NLRP5: variants seen among roughly 807,000 people sequenced by gnomAD.
The protein encoded by NLRP5 is NLR family pyrin domain containing 5.
Under a neutral mutation model 113.1 loss-of-function variants are expected in NLRP5, and 93 were observed. That is an observed-to-expected ratio of 0.82 (90% CI 0.70 to 0.98). The LOEUF (loss-of-function observed/expected upper bound fraction) is 0.98. NLRP5 is among the 50% of genes least tolerant of loss of function. The pLI is 0.00. For synonymous variants in NLRP5, 751 were observed against 600.7 expected (o/e 1.25, Z -3.66); for missense variants, 1,808 against 1,514.3 (o/e 1.19, Z -3.22).
chr19:55,995,049 G>A (rs2123252554), upstream of NLRP5, among the ~76,000 whole-genome samples: 1 of 152,200 alleles, frequency 6.6e-6, no homozygotes, highest in African/African-American at 2.4e-5. Flanking sequence ...ATGAGTTCAT[G>A]CTCTTTGTAG....
chr19:56,043,542 C>CTTTTTTTTTTTTTTTT (rs369622191), intron 11 of NLRP5, among the ~76,000 whole-genome samples: 2 of 92,962 alleles, frequency 2.2e-5, no homozygotes, highest in African/African-American at 1.1e-4. Context: ...CTCTGCTATT[C>CTTTTTTTTTTTTTTTT]TTTTTTTTTT....
the NLRP5 span, among the ~76,000 whole-genome samples, chr19:55,994,714 T>G: frequency 1.2e-4 from 19 of 152,304 alleles, no homozygotes; most frequent in Admixed American, 2.6e-4. Flanking sequence ...TCTTTACTCT[T>G]GGACTATTTC....
chr19:56,052,425 T>G (rs892969343), intron 12 of NLRP5, among the ~76,000 whole-genome samples: 1 of 152,060 alleles, frequency 6.6e-6, no homozygotes, highest in African/African-American at 2.4e-5. Flanking sequence ...CCTGCCACCA[T>G]GCCCAGCTAC....
Position 56,037,287 on chromosome 19 carries a change from G to A in NLRP5, c.2616-738G>A, listed in dbSNP as rs182620879. 1.1e-4 allele frequency among the ~76,000 whole-genome samples: 16 copies of A among 152,236 alleles called. No homozygotes were observed. In the East Asian group the frequency reaches 1.7e-3, roughly 17 times the overall value. ...GAGTGCCCTTTGTGTACCAGGCACC[G>A]TCGCAGCTGCCGAGGGGACCATAGA... is the stretch of plus-strand genomic sequence containing the variant. On this transcript the variant is annotated intron_variant, in intron 9 of 14. Coordinates refer to ENST00000390649, the MANE Select transcript of NLRP5 (RefSeq NM_153447.4).
chr19:56,020,362 C>G lies in NLRP5; in HGVS notation c.623-13C>G, dbSNP rs1424223544. 1.2e-5 allele frequency: 19 copies of G among 1,608,012 alleles called. No individual in the cohort carries two copies. The highest frequency in any genetic ancestry group is 1.6e-5 in the Non-Finnish European group (19 of 1,176,470). ...TAATAAACACAAGTATGTTGGAATT[C>G]ATTCTTTTGCAGAAATTTCACAAGC... On this transcript the variant is annotated splice_polypyrimidine_tract_variant and intron_variant, in intron 5 of 14. Transcript: ENST00000390649.
chr19:56,032,811 C>G, intron 8 of NLRP5, 30 bp downstream of exon 8: 1 of 1,578,420 alleles, frequency 6.3e-7, no homozygotes, highest in Non-Finnish European at 8.6e-7. Flanking sequence ...ACGAGAGAAT[C>G]CCTTCCCATG....
chr19:56,051,685 T>G (rs1983936374), intron 12 of NLRP5, among the ~76,000 whole-genome samples: 1 of 152,362 alleles, frequency 6.6e-6, no homozygotes, highest in South Asian at 2.1e-4. Flanking sequence ...CAGTAAGGTA[T>G]TCCATTGAAT....
chr19:56,057,897 C>G (rs1984214005), intron 13 of NLRP5, among the ~76,000 whole-genome samples: 1 of 151,852 alleles, frequency 6.6e-6, no homozygotes, highest in African/African-American at 2.4e-5. Flanking sequence ...CATGGTGGCA[C>G]GTGCCCATAA....
chr19:56,058,325 C>T lies in NLRP5; in HGVS notation c.3385C>T (p.Leu1129=). Residue 1129 remains leucine, a synonymous_variant, in exon 14 of 15, where the codon CTG becomes TTG. Transcript: ENST00000390649. Reference sequence around the variant, plus strand: ...CAACCGGCATCTGACCAGTCTAAACCTGGTGCAGAATAACTTCAGTCCCAA... The same window carrying T: ...CAACCGGCATCTGACCAGTCTAAACTTGGTGCAGAATAACTTCAGTCCCAA... The T allele has an allele frequency of 6.2e-7, 1 of 1,613,946 alleles. No homozygotes were observed. Among genetic ancestry groups the T allele is most frequent in the Non-Finnish European group, 8.5e-7 (1 of 1,179,822 alleles).
intron 9 of NLRP5, among the ~76,000 whole-genome samples, chr19:56,037,693 C>CAAAAAA (rs11301032): frequency 1.0e-4 from 9 of 87,714 alleles, no homozygotes; most frequent in African/African-American, 3.9e-4. Context: ...GACCCTGTCT[C>CAAAAAA]AAAAAAAAAA....
chr19:56,001,809 G>A (rs1981663387), intron 1 of NLRP5, among the ~76,000 whole-genome samples: 1 of 152,122 alleles, frequency 6.6e-6, no homozygotes, highest in Non-Finnish European at 1.5e-5. Context: ...CCGCCCCTCA[G>A]ACAATGACAA....
intron 14 of NLRP5, among the ~76,000 whole-genome samples, chr19:56,060,253 T>A (rs1272847151): frequency 8.5e-5 from 13 of 152,140 alleles, no homozygotes; most frequent in African/African-American, 3.1e-4. Context: ...TATTTCCCCA[T>A]CTGTGAAATG....
intron 7 of NLRP5, among the ~76,000 whole-genome samples, chr19:56,029,876 G>A (rs1371359321): frequency 6.6e-6 from 1 of 151,432 alleles, no homozygotes; most frequent in Non-Finnish European, 1.5e-5. Flanking sequence ...CCAACATAGT[G>A]AAACCCCATC....
the NLRP5 span, among the ~76,000 whole-genome samples, chr19:55,993,799 C>G: frequency 6.6e-6 from 1 of 150,988 alleles, no homozygotes; most frequent in Non-Finnish European, 1.5e-5. Flanking sequence ...GAGCTACAGG[C>G]TCATCTGTGT....
intron 11 of NLRP5, among the ~76,000 whole-genome samples, chr19:56,044,593 G>A (rs1440187908): frequency 6.6e-6 from 1 of 152,216 alleles, no homozygotes; most frequent in African/African-American, 2.4e-5. Context: ...TTTTGCACGA[G>A]TACCACACTG....
At chr19:56,013,155 TTG>T (rs1568485291) in intron 3 of NLRP5, among the ~76,000 whole-genome samples, 1 of 152,162 alleles carries the variant, frequency 6.6e-6, no homozygotes, top group Non-Finnish European at 1.5e-5. Flanking sequence ...CTTTGTTATA[TTG>T]TGTGACTGGC....
intron 9 of NLRP5, among the ~76,000 whole-genome samples, chr19:56,034,445 G>T (rs142542727): frequency 2.6e-5 from 4 of 152,148 alleles, no homozygotes; most frequent in Non-Finnish European, 5.9e-5. Context: ...ACATACTATC[G>T]CATAATATCA....
intron 9 of NLRP5, among the ~76,000 whole-genome samples, chr19:56,034,494 A>T (rs1983240532): frequency 1.3e-5 from 2 of 152,220 alleles, no homozygotes; most frequent in South Asian, 4.1e-4. Context: ...TGTGTACATT[A>T]TTCTATAGCA....
Position 56,019,663 on chromosome 19 carries a change from A to G in NLRP5, c.622+265A>G, listed in dbSNP as rs1280487000. On this transcript the variant is annotated intron_variant, in intron 5 of 14. Coordinates refer to ENST00000390649, the MANE Select transcript of NLRP5 (RefSeq NM_153447.4). ...TTCTAGGGGACTCGAATCAATCACAACTTTGTTTGATGGATGTTAAACATA... is the reference window on the plus strand; with the variant it reads ...TTCTAGGGGACTCGAATCAATCACAGCTTTGTTTGATGGATGTTAAACATA... 1.4e-4 allele frequency among the ~76,000 whole-genome samples: 21 copies of G among 152,140 alleles called. No individual in the cohort carries two copies. The East Asian group carries it at 1.5e-3, about 11-fold the overall frequency.
Sources: gnomAD v4.1 joint callset for allele counts (sites outside exome capture counted in the v4.1 genomes callset) on GRCh38, gnomAD v4.1.1 for gene constraint, MANE v1.5 for transcripts, NCBI Gene and HGNC (gene_info 2026-07-23, HGNC 2026-07-21) for gene names.